The following BLK variants were observed in gnomAD, a reference collection of about 807,000 sequenced individuals.
The protein encoded by BLK is tyrosine-protein kinase Blk.
In BLK, 64 loss-of-function variants were observed where a neutral mutation model predicts 61.8. The ratio of observed to expected loss-of-function variants is 1.03; its 90% confidence interval spans 0.85 to 1.27. The LOEUF is 1.27. Among genes scored for constraint, BLK ranks in the 50% most tolerant of loss-of-function variants. The pLI is 0.00. For synonymous variants in BLK, 351 were observed against 272.0 expected, an observed-to-expected ratio of 1.29 and a Z score of -2.86; for missense variants, 853 against 660.5, an observed-to-expected ratio of 1.29 and a Z score of -3.19.
At chr8:11,523,998 A>G (rs1365617093) in intron 1 of BLK, among the ~76,000 whole-genome samples, 1 of 152,176 alleles carries the variant, frequency 6.6e-6, no homozygotes, top group Non-Finnish European at 1.5e-5. Context: ...AAACACCATA[A>G]TTCCGGTTAT....
intron 1 of BLK, among the ~76,000 whole-genome samples, chr8:11,531,607 G>A (rs1799888932): frequency 6.6e-6 from 1 of 152,066 alleles, no homozygotes; most frequent in Non-Finnish European, 1.5e-5. Context: ...TGAGTCTTCG[G>A]GTCTATAGCT....
chr8:11,559,892 G>A (rs975251714), intron 10 of BLK: 2 of 455,486 alleles, frequency 4.4e-6, no homozygotes, highest in Non-Finnish European at 8.8e-6. Flanking sequence ...GTTCCCGGAA[G>A]CACTGTTCTT....
At chr8:11,541,080 A>T (rs1800357324) in intron 1 of BLK, among the ~76,000 whole-genome samples, 1 of 152,180 alleles carries the variant, frequency 6.6e-6, no homozygotes, top group Non-Finnish European at 1.5e-5. Context: ...AGCCTGCATG[A>T]CATGGCAAAA....
intron 2 of BLK, chr8:11,545,830 C>T (rs1281846809): frequency 9.9e-6 from 6 of 605,296 alleles, no homozygotes; most frequent in East Asian, 2.8e-5. Context: ...GGGCATCCCC[C>T]AGCGCGGTCA....
chr8:11,518,752 C>G (rs958437035), intron 1 of BLK, among the ~76,000 whole-genome samples: 1 of 152,142 alleles, frequency 6.6e-6, no homozygotes, highest in African/African-American at 2.4e-5. Context: ...CAACCCTTCC[C>G]CAGCTGGTCT....
chr8:11,520,532 GAAAAGAA>G lies in BLK; in HGVS notation c.-1-22679_-1-22673del, dbSNP rs531334364. ...GAAAGAAAAAGAAAGAAAAGAAAAG[GAAAAGAA>G]AAAAGAAAAAAGGAAACATAATCAA... On this transcript the variant is annotated intron_variant, in intron 1 of 12. Transcript: ENST00000259089. 6.2e-4 allele frequency among the ~76,000 whole-genome samples: 87 copies of G among 141,438 alleles called. No homozygotes were observed. The East Asian group carries it at 0.011, about 18-fold the overall frequency. 92.8% of individuals were successfully genotyped at this position (141,438 alleles called of 152,430 possible). A position where few individuals can be genotyped will look rare whatever the true frequency, so the allele number is the denominator to read the frequency against.
chr8:11,551,801 G>A (rs1800917241), intron 6 of BLK, among the ~76,000 whole-genome samples: 1 of 152,156 alleles, frequency 6.6e-6, no homozygotes, highest in South Asian at 2.1e-4. Flanking sequence ...GACAGATGAG[G>A]AAAGGGAGTC....
chr8:11,514,233 A>G (rs984895962), intron 1 of BLK, among the ~76,000 whole-genome samples: 2 of 152,330 alleles, frequency 1.3e-5, no homozygotes, highest in African/African-American at 4.8e-5. Flanking sequence ...GCTCCAATTC[A>G]GCTGAAAGAC....
At chr8:11,555,581 CCCAG>C in intron 8 of BLK, 97 bp downstream of exon 8, 1 of 1,565,850 alleles carries the variant, frequency 6.4e-7, no homozygotes. Context: ...TCATCCCTCC[CCCAG>C]AAGTCTTGAG....
Position 11,543,230 on chromosome 8 carries a change from G to T in BLK, c.6G>T (p.Gly2=). Residue 2 remains glycine, a synonymous_variant, in exon 2 of 13, where the codon GGG becomes GGT. Coordinates refer to ENST00000259089, the MANE Select transcript of BLK (RefSeq NM_001715.3). ...TGCTGTGTGTCTCCGACAGGATGGG[G>T]CTGGTAAGTAGCAAAAAGCCGGACA... M[G]LVSSKKPDKE... 3 of 1,613,928 alleles carry T rather than the reference G, an allele frequency of 1.9e-6. No individual in the cohort carries two copies. The highest frequency in any genetic ancestry group is 1.7e-6 in the Non-Finnish European group (2 of 1,180,000).
intron 1 of BLK, among the ~76,000 whole-genome samples, chr8:11,528,069 C>T (rs1233329359): frequency 2.6e-5 from 4 of 152,170 alleles, no homozygotes; most frequent in South Asian, 2.1e-4. Flanking sequence ...CAGAGTCTCA[C>T]TCTGTCACCG....
At chr8:11,503,812 G>A (rs1460255220) in intron 1 of BLK, among the ~76,000 whole-genome samples, 4 of 152,104 alleles carry the variant, frequency 2.6e-5, no homozygotes, top group Admixed American at 1.3e-4. Flanking sequence ...CCCTGGGCTC[G>A]CAGTGAAAGG....
intron 1 of BLK, among the ~76,000 whole-genome samples, chr8:11,505,635 C>T (rs1465325088): frequency 1.3e-5 from 2 of 152,206 alleles, no homozygotes; most frequent in Non-Finnish European, 2.9e-5. Context: ...GAATCTGATG[C>T]TCCAATTCAT....
rs746710451 is a variant in BLK at position 11,546,081 on chromosome 8, G to A, written c.153G>A (p.Pro51=). The A allele has an allele frequency of 4.2e-5, 67 of 1,613,976 alleles. No individual in the cohort carries two copies. The highest frequency in any genetic ancestry group is 8.9e-5 in the East Asian group (4 of 44,882). Reference sequence around the variant, plus strand: ...TCTTCAACCACCTTACTCCTCCACCGCCCGATGAACACCTGGATGAAGGTA... The same window carrying A: ...TCTTCAACCACCTTACTCCTCCACCACCCGATGAACACCTGGATGAAGGTA... ...LVVFNHLTPP[P]PDEHLDEDKH... Residue 51 remains proline, a synonymous_variant, in exon 3 of 13, where the codon CCG becomes CCA. Coordinates refer to ENST00000259089, the MANE Select transcript of BLK (RefSeq NM_001715.3).
intron 5 of BLK, 56 bp downstream of exon 5, chr8:11,549,178 C>A: frequency 6.7e-7 from 1 of 1,495,356 alleles, no homozygotes; most frequent in Non-Finnish European, 9.1e-7. Flanking sequence ...TTTCTGCTCC[C>A]TGGGCTGTTA....
chr8:11,557,275 C>T (rs978704406), intron 9 of BLK, among the ~76,000 whole-genome samples: 2 of 152,206 alleles, frequency 1.3e-5, no homozygotes, highest in Non-Finnish European at 2.9e-5. Flanking sequence ...GCTTGATGGC[C>T]TCTGAGGTCC....
rs533412555 is a variant in BLK, at chr8:11,555,360, G to C, written c.648G>C (p.Leu216=). 1.2e-6 allele frequency: 2 copies of C among 1,614,044 alleles called. No individual in the cohort carries two copies. The highest frequency in any genetic ancestry group is 1.3e-5 in the African/African-American group (1 of 74,912). The part of the protein sequence containing the change: ...SKKGDGLCQR[L]TLPCVRPAPQ... ...AGGGGGATGGTCTATGCCAGAGGCT[G>C]ACCCTGCCCTGTGTGCGCCCGGCCC... The change falls in exon 8 of 13, where the codon CTG becomes CTC. Residue 216 remains leucine, a synonymous_variant. Transcript: ENST00000259089.
chr8:11,520,635 T>C (rs899986063), intron 1 of BLK, among the ~76,000 whole-genome samples: 5 of 152,150 alleles, frequency 3.3e-5, no homozygotes, highest in Non-Finnish European at 7.4e-5. Context: ...TGCAAGCCTA[T>C]AGCCAGATTC....
chr8:11,499,943 G>A (rs752329561), intron 1 of BLK, among the ~76,000 whole-genome samples: 3 of 151,400 alleles, frequency 2.0e-5, no homozygotes, highest in South Asian at 2.1e-4. Flanking sequence ...TTTTATAAGC[G>A]GTCTCAAATC....
Sources: allele counts gnomAD v4.1 joint callset (sites outside exome capture counted in the v4.1 genomes callset), GRCh38; gene constraint gnomAD v4.1.1; transcripts MANE v1.5; gene names NCBI Gene and HGNC (gene_info 2026-07-23, HGNC 2026-07-21).